The following RNF185 variants were observed in gnomAD, a reference collection of about 807,000 sequenced individuals.
RNF185 encodes the protein ring finger protein 185.
In RNF185, 13 loss-of-function variants were observed where a neutral mutation model predicts 24.9. That is an observed-to-expected ratio of 0.52 (90% CI 0.34 to 0.83). The LOEUF is 0.83. RNF185 is among the 40% of genes least tolerant of loss of function. RNF185 has a pLI of 0.01. For missense variants in RNF185, 184 were observed against 244.7 expected (o/e 0.75, Z 1.65); for synonymous variants, 79 against 90.3 (o/e 0.88, Z 0.71).
At chr22:31,195,354 C>A in intron 3 of RNF185, 115 bp from the exon 4 acceptor site, 2 of 615,698 alleles carry the variant, frequency 3.2e-6, no homozygotes, top group South Asian at 4.1e-5. Flanking sequence ...ATGTTCCCTG[C>A]TCATGCTGGT....
intron 1 of RNF185, among the ~76,000 whole-genome samples, chr22:31,163,101 G>T (rs966196962): frequency 4.6e-5 from 7 of 152,032 alleles, no homozygotes; most frequent in African/African-American, 9.7e-5. Context: ...AATAAAAGAA[G>T]AATAATATTA....
chr22:31,175,595 G>T (rs997363294), intron 1 of RNF185, among the ~76,000 whole-genome samples: 1 of 152,080 alleles, frequency 6.6e-6, no homozygotes, highest in South Asian at 2.1e-4. Flanking sequence ...CTGTCTCAAA[G>T]TTACAAATAT....
chr22:31,163,286 G>C (rs1923693723), intron 1 of RNF185, among the ~76,000 whole-genome samples: 1 of 151,804 alleles, frequency 6.6e-6, no homozygotes, highest in Non-Finnish European at 1.5e-5. Context: ...TTACTCTATG[G>C]CCCTTTATGG....
At chr22:31,187,504 C>T (rs1358835107) in intron 2 of RNF185, among the ~76,000 whole-genome samples, 1 of 152,192 alleles carries the variant, frequency 6.6e-6, no homozygotes, top group Non-Finnish European at 1.5e-5. Flanking sequence ...TAATACTTAC[C>T]ATTTAGTGAG....
intron 1 of RNF185, among the ~76,000 whole-genome samples, chr22:31,184,539 C>G (rs1247439619): frequency 6.6e-6 from 1 of 152,138 alleles, no homozygotes; most frequent in Non-Finnish European, 1.5e-5. Context: ...GCTGCAATCT[C>G]GGCACTTTGG....
rs535470181 is a variant in RNF185 at position 31,205,442 on chromosome 22, G to A, written c.*856G>A. On this transcript the variant is annotated 3_prime_UTR_variant, in exon 7 of 7. Transcript: ENST00000326132. ...TACTGTGCATTAGGAAAGACCTGGAGTCAGGACTTTGGTGGGATTTGGAGC... is the reference window on the plus strand; with the variant it reads ...TACTGTGCATTAGGAAAGACCTGGAATCAGGACTTTGGTGGGATTTGGAGC... The A allele has an allele frequency of 6.3e-6, 1 of 158,008 alleles. No individual in the cohort carries two copies. The highest frequency in any genetic ancestry group is 1.5e-5 in the Non-Finnish European group (1 of 68,064). 9.8% of individuals were successfully genotyped at this position (158,008 alleles called of 1,614,324 possible). A position where few individuals can be genotyped will look rare whatever the true frequency, so the allele number is the denominator to read the frequency against.
intron 1 of RNF185, among the ~76,000 whole-genome samples, chr22:31,183,259 T>G (rs1375914658): frequency 1.3e-5 from 2 of 152,284 alleles, no homozygotes; most frequent in East Asian, 3.9e-4. Context: ...GTGTCTGAGT[T>G]TTAACGCAAA....
chr22:31,194,909 A>G (rs2048190249), intron 3 of RNF185, among the ~76,000 whole-genome samples: 2 of 152,076 alleles, frequency 1.3e-5, no homozygotes, highest in African/African-American at 4.8e-5. Context: ...TGTTGCTAGG[A>G]GGCCCTAGAG....
Position 31,166,636 on chromosome 22 carries a change from TTCTTCC to T in RNF185, c.-49+6351_-49+6356del, listed in dbSNP as rs1002206788. Among the ~76,000 whole-genome samples, 45 of 150,220 alleles carry T rather than the reference TTCTTCC, an allele frequency of 3.0e-4. 1 individual carries two copies. Among genetic ancestry groups the T allele is most frequent in the East Asian group, 2.8e-3 (14 of 5,036 alleles). On this transcript the variant is annotated intron_variant, in intron 1 of 6. Transcript: ENST00000326132. ...CTCCTCCTCCTCCTTCTTCTTCTTC[TTCTTCC>T]TCTTCCTCTTCCTCTTCTTCTTCTC...
intron 2 of RNF185, among the ~76,000 whole-genome samples, chr22:31,190,191 G>C (rs567650435): frequency 1.1e-4 from 16 of 152,336 alleles, no homozygotes; most frequent in African/African-American, 2.9e-4. Context: ...TCCATAAGAT[G>C]ATGATGGACC....
intron 1 of RNF185, among the ~76,000 whole-genome samples, chr22:31,175,733 T>G (rs1396471537): frequency 1.3e-5 from 2 of 152,156 alleles, no homozygotes; most frequent in Non-Finnish European, 2.9e-5. Context: ...TATATCCTTT[T>G]GTTGTACCTA....
intron 2 of RNF185, among the ~76,000 whole-genome samples, chr22:31,192,401 T>G (rs1270955733): frequency 6.6e-6 from 1 of 152,194 alleles, no homozygotes; most frequent in Non-Finnish European, 1.5e-5. Flanking sequence ...GTCTGAGCCC[T>G]GGGGATTTCA....
At chr22:31,164,186 G>A (rs1298088624) in intron 1 of RNF185, among the ~76,000 whole-genome samples, 1 of 151,778 alleles carries the variant, frequency 6.6e-6, no homozygotes, top group East Asian at 1.9e-4. Context: ...TCACCGTGTT[G>A]GCCAGGCTGG....
chr22:31,173,418 C>CACACAT (rs1555881075), intron 1 of RNF185, among the ~76,000 whole-genome samples: 1 of 150,596 alleles, frequency 6.6e-6, no homozygotes, highest in Non-Finnish European at 1.5e-5. Context: ...CACACACAGA[C>CACACAT]ACACACACAC....
intron 1 of RNF185, among the ~76,000 whole-genome samples, chr22:31,163,220 TCAG>T (rs1472005935): frequency 5.9e-5 from 9 of 152,228 alleles, no homozygotes; most frequent in African/African-American, 1.9e-4. Context: ...TTAATGCTAC[TCAG>T]TGGAGTTGAT....
intron 1 of RNF185, among the ~76,000 whole-genome samples, chr22:31,182,147 T>C (rs2048044897): frequency 6.8e-6 from 1 of 147,224 alleles, no homozygotes; most frequent in Non-Finnish European, 1.5e-5. Flanking sequence ...GTTTCCACTC[T>C]GTCACCCAGG....
chr22:31,193,985 C>T lies in RNF185; in HGVS notation c.195+1283C>T, dbSNP rs191825082. 5.3e-3 allele frequency among the ~76,000 whole-genome samples: 767 copies of T among 144,544 alleles called. 5 individuals are homozygous for T. Among genetic ancestry groups the T allele is most frequent in the African/African-American group, 0.018 (723 of 39,084 alleles). 94.8% of individuals were successfully genotyped at this position (144,544 alleles called of 152,430 possible). On this transcript the variant is annotated intron_variant, in intron 3 of 6. Transcript: ENST00000326132. ...TCGGCTCACTGGAACCTCCGCCTCC[C>T]GGGTTCAAGCGATTCTTGTGCCTCA... is the stretch of plus-strand genomic sequence containing the variant.
chr22:31,170,876 G>T (rs912917381), intron 1 of RNF185, among the ~76,000 whole-genome samples: 5 of 151,924 alleles, frequency 3.3e-5, no homozygotes, highest in African/African-American at 7.3e-5. Flanking sequence ...TGCCCAGGCT[G>T]GTCTCAAACT....
chr22:31,189,467 T>C (rs2048134731), intron 2 of RNF185, among the ~76,000 whole-genome samples: 1 of 151,088 alleles, frequency 6.6e-6, no homozygotes. Context: ...AATTTTCTTT[T>C]TGTATTTTTA....
Sources: allele counts gnomAD v4.1 joint callset (sites outside exome capture counted in the v4.1 genomes callset), GRCh38; gene constraint gnomAD v4.1.1; transcripts MANE v1.5; gene names NCBI Gene and HGNC (gene_info 2026-07-23, HGNC 2026-07-21).